The following ROBO1 variants were observed in gnomAD, a reference collection of about 807,000 sequenced individuals.
ROBO1 encodes the protein roundabout homolog 1.
A neutral mutation model predicts 195.9 loss-of-function variants in ROBO1; 149 were observed. The observed-to-expected ratio is 0.76, with a 90% CI of 0.67 to 0.87. The LOEUF is 0.87. ROBO1 is among the 40% of genes least tolerant of loss of function. The pLI, the probability that ROBO1 is intolerant of heterozygous loss-of-function variation, is 0.00. For missense variants in ROBO1, 1,933 were observed against 2,068.3 expected, an observed-to-expected ratio of 0.93 and a Z score of 1.27; for synonymous variants, 816 against 733.2, an observed-to-expected ratio of 1.11 and a Z score of -1.82.
At chr3:78,632,787 C>A (rs1317453434) in intron 24 of ROBO1, among the ~76,000 whole-genome samples, 2 of 152,070 alleles carry the variant, frequency 1.3e-5, no homozygotes, top group East Asian at 3.9e-4. Flanking sequence ...CTCTATGTGA[C>A]TAAAAATTCA....
chr3:78,749,827 T>C (rs1388626033), intron 4 of ROBO1, among the ~76,000 whole-genome samples: 1 of 152,190 alleles, frequency 6.6e-6, no homozygotes, highest in Non-Finnish European at 1.5e-5. Flanking sequence ...CCATTTCTAT[T>C]AACCAAAGTA....
chr3:78,967,616 A>G (rs570452098), intron 3 of ROBO1, among the ~76,000 whole-genome samples: 2 of 152,274 alleles, frequency 1.3e-5, no homozygotes, highest in African/African-American at 4.8e-5. Flanking sequence ...TCTAACAAGC[A>G]ATCATGACCC....
chr3:79,428,040 A>G (rs754723751), intron 2 of ROBO1, among the ~76,000 whole-genome samples: 21 of 152,288 alleles, frequency 1.4e-4, no homozygotes, highest in Middle Eastern at 3.4e-3. Context: ...CAAACTACTC[A>G]TCTGATAAGG....
At chr3:78,877,255 T>C (rs555950200) in intron 4 of ROBO1, among the ~76,000 whole-genome samples, 1 of 152,270 alleles carries the variant, frequency 6.6e-6, no homozygotes, top group East Asian at 1.9e-4. Flanking sequence ...AAAGAAATTA[T>C]TGTGGAGCAT....
In ROBO1 at chr3:78,598,660, T is replaced by C; in HGVS notation, c.*253A>G. The C allele has an allele frequency of 3.0e-6, 1 of 330,570 alleles. No homozygotes were observed. The highest frequency in any genetic ancestry group is 5.5e-6 in the Non-Finnish European group (1 of 182,904). 20.5% of individuals were successfully genotyped at this position (330,570 alleles called of 1,614,324 possible). A position where few individuals can be genotyped will look rare whatever the true frequency, so the allele number is the denominator to read the frequency against. On this transcript the variant is annotated 3_prime_UTR_variant, in exon 31 of 31. Transcript: ENST00000464233. ...AAGCAAGAAGTCAAAGCACTTTGCTTGCTGGAAGTAAGGTATAATGGTTTG... is the reference window on the plus strand; with the variant it reads ...AAGCAAGAAGTCAAAGCACTTTGCTCGCTGGAAGTAAGGTATAATGGTTTG...
At chr3:79,304,090 C>A (rs2033112025) in intron 2 of ROBO1, among the ~76,000 whole-genome samples, 1 of 152,050 alleles carries the variant, frequency 6.6e-6, no homozygotes, top group Non-Finnish European at 1.5e-5. Flanking sequence ...ATGGAAAAAC[C>A]TTTTGATACT....
chr3:79,610,249 G>T (rs954407246), intron 1 of ROBO1, among the ~76,000 whole-genome samples: 2 of 151,652 alleles, frequency 1.3e-5, no homozygotes, highest in African/African-American at 4.8e-5. Flanking sequence ...TTTCCTATAC[G>T]TACATATCTA....
intron 4 of ROBO1, among the ~76,000 whole-genome samples, chr3:78,765,758 T>G (rs577303462): frequency 6.6e-6 from 1 of 152,162 alleles, no homozygotes; most frequent in Admixed American, 6.5e-5. Context: ...GTTAAACAGA[T>G]GGCACTCAGG....
At position 79,058,798 on chromosome 3, in the gene ROBO1, C is replaced by T. The variant is rs189755820; in HGVS notation, c.172+66658G>A. On this transcript the variant is annotated intron_variant, in intron 3 of 30. Transcript: ENST00000464233. The stretch of plus-strand genomic sequence containing the variant: ...ACTTTGCTCACACCTTGGGAATCCT[C>T]CCCCTCAATACATTTAATTAATGAA... Among the ~76,000 whole-genome samples the T allele has an allele frequency of 7.1e-3, 1,079 of 152,192 alleles. 9 individuals carry two copies. The highest frequency in any genetic ancestry group is 0.021 in the South Asian group (101 of 4,828).
intron 2 of ROBO1, among the ~76,000 whole-genome samples, chr3:79,589,440 C>T (rs1216772498): frequency 6.6e-6 from 1 of 151,686 alleles, no homozygotes; most frequent in African/African-American, 2.4e-5. Context: ...CAATGTTTCA[C>T]TTTTCTGATG....
At chr3:79,766,144 C>T (rs1196747659) in intron 1 of ROBO1, among the ~76,000 whole-genome samples, 1 of 151,940 alleles carries the variant, frequency 6.6e-6, no homozygotes, top group Non-Finnish European at 1.5e-5. Flanking sequence ...TGGAAATCTG[C>T]CCCCTTTAGT....
intron 2 of ROBO1, among the ~76,000 whole-genome samples, chr3:79,379,616 T>C (rs2036501973): frequency 6.6e-6 from 1 of 152,216 alleles, no homozygotes; most frequent in South Asian, 2.1e-4. Context: ...ACTTTTGCAC[T>C]TACATCGTAA....
chr3:79,510,530 G>T (rs1940647724), intron 2 of ROBO1, among the ~76,000 whole-genome samples: 1 of 148,678 alleles, frequency 6.7e-6, no homozygotes, highest in Non-Finnish European at 1.5e-5. Flanking sequence ...GGAGTACATG[G>T]TTATTTTGAA....
chr3:79,057,548 A>G (rs1365151702), intron 3 of ROBO1, among the ~76,000 whole-genome samples: 2 of 152,052 alleles, frequency 1.3e-5, no homozygotes, highest in Non-Finnish European at 2.9e-5. Flanking sequence ...GACCCATCTA[A>G]CTAATCCCAC....
At chr3:79,326,943 T>C (rs925497780) in intron 2 of ROBO1, among the ~76,000 whole-genome samples, 1 of 152,186 alleles carries the variant, frequency 6.6e-6, no homozygotes, top group African/African-American at 2.4e-5. Context: ...TCAAGCTCTG[T>C]AATTTACTAT....
At chr3:78,789,333 T>G (rs2108518419) in intron 4 of ROBO1, among the ~76,000 whole-genome samples, 1 of 152,292 alleles carries the variant, frequency 6.6e-6, no homozygotes, top group African/African-American at 2.4e-5. Flanking sequence ...ACTTCAACTT[T>G]TCGCTCAAAT....
At chr3:79,287,740 C>T (rs893848610) in intron 2 of ROBO1, among the ~76,000 whole-genome samples, 2 of 152,202 alleles carry the variant, frequency 1.3e-5, no homozygotes, top group African/African-American at 2.4e-5. Context: ...TTTATTCCTG[C>T]ATTGTACTTG....
At chr3:79,632,981 T>C (rs1945387603) in intron 1 of ROBO1, among the ~76,000 whole-genome samples, 1 of 151,976 alleles carries the variant, frequency 6.6e-6, no homozygotes, top group African/African-American at 2.4e-5. Context: ...GAACACTTCA[T>C]TGACAAAGAG....
In ROBO1 at chr3:79,713,082, C is replaced by G. The variant is rs576739948; in HGVS notation, c.-51+54670G>C. Reference sequence around the variant, plus strand: ...CTAATGCTATCCCTCCCCCACCCCCCACTTGAGTATTTTAAGACCACTGTT... The same window carrying G: ...CTAATGCTATCCCTCCCCCACCCCCGACTTGAGTATTTTAAGACCACTGTT... On this transcript the variant is annotated intron_variant, in intron 1 of 30. Coordinates refer to ENST00000464233, the MANE Select transcript of ROBO1 (RefSeq NM_002941.4). Among the ~76,000 whole-genome samples the G allele has an allele frequency of 2.6e-5, 4 of 151,898 alleles. No individual in the cohort carries two copies. In the East Asian group the frequency reaches 7.8e-4, roughly 30 times the overall value.
Sources: gnomAD v4.1 joint callset for allele counts (sites outside exome capture counted in the v4.1 genomes callset) on GRCh38, gnomAD v4.1.1 for gene constraint, MANE v1.5 for transcripts, NCBI Gene and HGNC (gene_info 2026-07-23, HGNC 2026-07-21) for gene names.